PCDHA3: variants seen among roughly 807,000 people sequenced by gnomAD.
The protein encoded by PCDHA3 is protocadherin alpha-3.
PCDHA3 carries 41 observed loss-of-function variants against 62.2 expected under a neutral mutation model. The ratio of observed to expected loss-of-function variants is 0.66; its 90% CI spans 0.51 to 0.86. PCDHA3 has a LOEUF of 0.86. Ranked by LOEUF, PCDHA3 falls within the 40% of genes least tolerant of loss-of-function variation. The probability of loss-of-function intolerance (pLI) is 0.00; values close to 1 mark genes in which losing one functional copy is unlikely to be tolerated. For synonymous variants in PCDHA3, 640 were observed against 555.4 expected (o/e 1.15, Z -2.14); for missense variants, 1,304 against 1,241.2 (o/e 1.05, Z -0.76).
chr5:140,973,863 T>C (rs868937124), intron 1 of PCDHA3, among the ~76,000 whole-genome samples: 1 of 152,224 alleles, frequency 6.6e-6, no homozygotes. Context: ...TTGCTCTCAA[T>C]GAGAGGTCAG....
intron 1 of PCDHA3, chr5:140,828,936 A>G (rs1554131652): frequency 3.1e-6 from 5 of 1,614,144 alleles, no homozygotes; most frequent in Non-Finnish European, 4.2e-6. Flanking sequence ...TATTCTTTTA[A>G]TAGCCTTGTT....
chr5:140,848,577 A>G (rs1178094933), intron 1 of PCDHA3: 1 of 1,595,244 alleles, frequency 6.3e-7, no homozygotes, highest in Non-Finnish European at 8.6e-7. Context: ...GGTGGTGGGG[A>G]GCGGCCAGCT....
chr5:140,826,149 A>C (rs993174050), intron 1 of PCDHA3, among the ~76,000 whole-genome samples: 2 of 152,246 alleles, frequency 1.3e-5, no homozygotes, highest in Non-Finnish European at 2.9e-5. Flanking sequence ...GAAGTCCTAG[A>C]AATTGAGAAA....
At chr5:140,842,966 G>A (rs1481565497) in intron 1 of PCDHA3, 7 of 1,595,016 alleles carry the variant, frequency 4.4e-6, no homozygotes, top group East Asian at 2.2e-5. Context: ...GGGCAGCAAC[G>A]TGACGCTGCA....
intron 1 of PCDHA3, chr5:140,828,952 C>T (rs1202172240): frequency 4.5e-5 from 72 of 1,613,992 alleles, no homozygotes; most frequent in Admixed American, 1.5e-4. Context: ...TTGTTGCAGC[C>T]ATGGTTATTG....
rs142866496 is a variant in PCDHA3, at chr5:140,917,224, G to A, written c.2395-61725G>A. Among the ~76,000 whole-genome samples, 29 of 151,040 alleles carry A rather than the reference G, an allele frequency of 1.9e-4. No homozygotes were observed. In the East Asian group the frequency reaches 2.2e-3, roughly 11 times the overall value. ...TCTTCAATGCCTCTTTTAGTGATAC[G>A]TTGTTAAATCTAGGTACTACGATTG... On this transcript the variant is annotated intron_variant, in intron 1 of 3. Transcript: ENST00000522353.
intron 1 of PCDHA3, chr5:140,857,918 G>A: frequency 3.1e-6 from 5 of 1,597,824 alleles, no homozygotes; most frequent in Non-Finnish European, 4.3e-6. Context: ...GTTTCGCGTG[G>A]GGCTGTACAC....
rs184768008 is a variant in PCDHA3 at position 140,933,949 on chromosome 5, G to C, written c.2395-45000G>C. ...GTTGTGACTTTTTTTCACATCTGCA[G>C]GATCTGTAGTGATGTTTCCCTTTTC... On this transcript the variant is annotated intron_variant, in intron 1 of 3. Coordinates refer to ENST00000522353, the MANE Select transcript of PCDHA3 (RefSeq NM_018906.3). Among the ~76,000 whole-genome samples the C allele has an allele frequency of 8.5e-4, 129 of 151,910 alleles. 1 individual carries two copies. The highest frequency in any genetic ancestry group is 3.0e-3 in the African/African-American group (123 of 41,458).
chr5:140,884,198 C>G, intron 1 of PCDHA3: 1 of 1,613,442 alleles, frequency 6.2e-7, no homozygotes, highest in Non-Finnish European at 8.5e-7. Flanking sequence ...GGACGCGCCG[C>G]ACCACCGCCT....
chr5:140,850,619 T>C (rs1327307215), intron 1 of PCDHA3: 1 of 1,598,468 alleles, frequency 6.3e-7, no homozygotes, highest in Non-Finnish European at 8.6e-7. Context: ...GCGCGGTGTC[T>C]AGCCTGTTGG....
rs2150220578 is a variant in PCDHA3 at position 140,834,540 on chromosome 5, G to A, written c.2394+30949G>A. ...CGTGGGCCGCATCGCGCAGGACCTG[G>A]GGCTGGAGCTGGCGGAGCTGGTGCC... On this transcript the variant is annotated intron_variant, in intron 1 of 3. Transcript: ENST00000522353. The A allele has an allele frequency of 7.4e-6, 12 of 1,614,082 alleles. No individual in the cohort carries two copies. The Admixed American group carries it at 1.0e-4, about 13-fold the overall frequency.
chr5:140,883,643 G>A (rs1182808577), intron 1 of PCDHA3: 2 of 1,613,822 alleles, frequency 1.2e-6, no homozygotes, highest in Non-Finnish European at 1.7e-6. Context: ...CGCGCAGCCC[G>A]AGTACACGGT....
chr5:140,937,644 G>A (rs1554211697), intron 1 of PCDHA3, among the ~76,000 whole-genome samples: 1 of 151,048 alleles, frequency 6.6e-6, no homozygotes, highest in African/African-American at 2.4e-5. Flanking sequence ...AGGGCATGGT[G>A]GCTCACGCCT....
chr5:140,824,055 G>A, intron 1 of PCDHA3: 1 of 1,614,112 alleles, frequency 6.2e-7, no homozygotes, highest in Non-Finnish European at 8.5e-7. Flanking sequence ...TGTGCTCTGG[G>A]GAAGCTCCAC....
chr5:140,883,402 C>T lies in PCDHA3; in HGVS notation c.2394+79811C>T. ...CCCTAATCAGTGTGTCCGATCGTGACTCTGGCTCAAATGGACAGGTCACCT... is the reference window on the plus strand; with the variant it reads ...CCCTAATCAGTGTGTCCGATCGTGATTCTGGCTCAAATGGACAGGTCACCT... On this transcript the variant is annotated intron_variant, in intron 1 of 3. Coordinates refer to ENST00000522353, the MANE Select transcript of PCDHA3 (RefSeq NM_018906.3). 4 of 1,614,192 alleles carry T rather than the reference C, an allele frequency of 2.5e-6. No individual in the cohort carries two copies. The South Asian group carries it at 3.3e-5, about 13-fold the overall frequency.
Position 140,882,692 on chromosome 5 carries a change from AT to A in PCDHA3, c.2394+79103del, listed in dbSNP as rs782355155. On this transcript the variant is annotated intron_variant, in intron 1 of 3. Coordinates refer to ENST00000522353, the MANE Select transcript of PCDHA3 (RefSeq NM_018906.3). The stretch of plus-strand genomic sequence containing the variant: ...CCCTGAAAGCAAGAAACGAATAATC[AT>A]TGCAGAATCTAGACCTCCGGAAACT... The A allele has an allele frequency of 2.1e-5, 34 of 1,614,204 alleles. No individual in the cohort carries two copies. In the South Asian group the frequency reaches 3.5e-4, roughly 17 times the overall value.
intron 1 of PCDHA3, among the ~76,000 whole-genome samples, chr5:140,951,337 G>C (rs1346350844): frequency 6.6e-6 from 1 of 151,970 alleles, no homozygotes; most frequent in Non-Finnish European, 1.5e-5. Context: ...CATTCTGTTT[G>C]TGTTAGTCCA....
At chr5:140,920,199 C>G (rs2079510871) in intron 1 of PCDHA3, among the ~76,000 whole-genome samples, 1 of 152,116 alleles carries the variant, frequency 6.6e-6, no homozygotes, top group African/African-American at 2.4e-5. Flanking sequence ...GTCACAGCAG[C>G]CACAGAAAAC....
intron 1 of PCDHA3, chr5:140,884,520 C>G (rs782029549): frequency 4.3e-6 from 7 of 1,613,918 alleles, no homozygotes; most frequent in Middle Eastern, 1.6e-4. Flanking sequence ...TGGTCGTACT[C>G]GCAGCAGAGG....
Sources: allele counts gnomAD v4.1 joint callset (sites outside exome capture counted in the v4.1 genomes callset), GRCh38; gene constraint gnomAD v4.1.1; transcripts MANE v1.5; gene names NCBI Gene and HGNC (gene_info 2026-07-23, HGNC 2026-07-21).